RERE: variants seen among roughly 807,000 people sequenced by gnomAD.
The protein encoded by RERE is arginine-glutamic acid dipeptide repeats protein.
In RERE, 40 loss-of-function variants were observed where a neutral mutation model predicts 146.1. The observed-to-expected ratio is 0.27, with a 90% CI of 0.21 to 0.36. The LOEUF is 0.36. Ranked by LOEUF, RERE falls within the 10% of genes least tolerant of loss-of-function variation. The pLI is 1.00. For missense variants in RERE, 1,933 were observed against 2,138.7 expected (o/e 0.90, Z 1.90); for synonymous variants, 1,003 against 866.0 (o/e 1.16, Z -2.78).
intron 4 of RERE, among the ~76,000 whole-genome samples, chr1:8,587,358 C>G (rs1010729914): frequency 6.6e-6 from 1 of 152,214 alleles, no homozygotes; most frequent in Non-Finnish European, 1.5e-5. Context: ...GGAGTTCCTT[C>G]CAGCCCCAGT....
At chr1:8,361,545 T>C (rs1641583194) in intron 17 of RERE, 55 bp from the exon 18 acceptor site, 4 of 1,583,488 alleles carry the variant, frequency 2.5e-6, no homozygotes, top group Non-Finnish European at 3.4e-6. Context: ...CCCTGTCTGC[T>C]CTGCACCACC....
intron 1 of RERE, among the ~76,000 whole-genome samples, chr1:8,689,505 T>C (rs1283222480): frequency 1.3e-5 from 2 of 152,218 alleles, no homozygotes; most frequent in Admixed American, 1.3e-4. Context: ...TCACATTTCT[T>C]AGAGTTATGA....
Position 8,423,553 on chromosome 1 carries a change from G to A in RERE, c.1204-746C>T. 2 of 985,114 alleles carry A rather than the reference G, an allele frequency of 2.0e-6. No homozygotes were observed. Among genetic ancestry groups the A allele is most frequent in the Non-Finnish European group, 2.4e-6 (2 of 829,772 alleles). 61.0% of individuals were successfully genotyped at this position (985,114 alleles called of 1,614,324 possible). ...CGGTGGGGGCAGCTCCTGGCTCCGAGCCCCCACCTCGGGGCTCCCAGCCTG... is the reference window on the plus strand; with the variant it reads ...CGGTGGGGGCAGCTCCTGGCTCCGAACCCCCACCTCGGGGCTCCCAGCCTG... On this transcript the variant is annotated intron_variant, in intron 11 of 22. Transcript: ENST00000400908. The surrounding 1 kb of genome is among the most constrained non-coding windows in gnomAD (Gnocchi z 5.4).
chr1:8,521,176 C>CAAAAAAAAAAAAAA (rs36115526), intron 7 of RERE, among the ~76,000 whole-genome samples: 12 of 109,958 alleles, frequency 1.1e-4, no homozygotes, highest in African/African-American at 3.9e-4. Context: ...TTCTTTTTTT[C>CAAAAAAAAAAAAAA]AAAAAAAAAA....
At chr1:8,752,764 G>T (rs1197524348) in intron 1 of RERE, among the ~76,000 whole-genome samples, 14 of 152,094 alleles carry the variant, frequency 9.2e-5, no homozygotes, top group Non-Finnish European at 2.1e-4. Flanking sequence ...GACAGTTTGT[G>T]TTGGAAATAA....
intron 8 of RERE, among the ~76,000 whole-genome samples, chr1:8,499,228 T>C (rs140879938): frequency 1.3e-5 from 2 of 152,358 alleles, no homozygotes; most frequent in Non-Finnish European, 2.9e-5. Context: ...GGGCAAACAA[T>C]TTAAGTGAAT....
intron 11 of RERE, among the ~76,000 whole-genome samples, chr1:8,462,015 A>G (rs536021947): frequency 1.4e-4 from 21 of 151,946 alleles, no homozygotes; most frequent in African/African-American, 4.6e-4. Flanking sequence ...CAGCTATTTT[A>G]TTATGTTTTT....
At chr1:8,801,901 T>A (rs1240327734) in intron 1 of RERE, among the ~76,000 whole-genome samples, 2 of 152,354 alleles carry the variant, frequency 1.3e-5, no homozygotes, top group Admixed American at 6.5e-5. Context: ...GAAGTTTACA[T>A]CCATACAGCG....
intron 11 of RERE, 176 bp downstream of exon 11, chr1:8,465,749 A>G (rs1644587358): frequency 1.5e-6 from 1 of 687,448 alleles, no homozygotes; most frequent in East Asian, 2.8e-5. Flanking sequence ...AATAAAATCA[A>G]GTCTTTCTGT....
At chr1:8,477,480 C>G (rs1447389509) in intron 10 of RERE, among the ~76,000 whole-genome samples, 3 of 152,182 alleles carry the variant, frequency 2.0e-5, no homozygotes, top group Non-Finnish European at 4.4e-5. Flanking sequence ...TCACTTACTC[C>G]TGGCATCCTC....
At chr1:8,531,642 GA>G (rs1390191254) in intron 7 of RERE, among the ~76,000 whole-genome samples, 2 of 152,090 alleles carry the variant, frequency 1.3e-5, no homozygotes, top group African/African-American at 2.4e-5. Flanking sequence ...GGTTTCAGAG[GA>G]AAAAGTTTCC....
intron 1 of RERE, among the ~76,000 whole-genome samples, chr1:8,673,153 T>C (rs1188202516): frequency 3.3e-5 from 5 of 152,216 alleles, no homozygotes; most frequent in African/African-American, 4.8e-5. Flanking sequence ...GGCAGTTCAA[T>C]GGCACGATCT....
At chr1:8,811,946 G>A (rs1641820532) in intron 1 of RERE, among the ~76,000 whole-genome samples, 1 of 152,224 alleles carries the variant, frequency 6.6e-6, no homozygotes, top group Non-Finnish European at 1.5e-5. Flanking sequence ...CAAGGTATCT[G>A]GTCGCTAAAG....
intron 1 of RERE, among the ~76,000 whole-genome samples, chr1:8,748,952 T>C (rs1640476925): frequency 6.6e-6 from 1 of 152,184 alleles, no homozygotes; most frequent in Non-Finnish European, 1.5e-5. Context: ...TTCATAGGCA[T>C]GGGGGACAGT....
intron 7 of RERE, among the ~76,000 whole-genome samples, chr1:8,528,694 A>T (rs1263136906): frequency 1.3e-5 from 2 of 152,186 alleles, no homozygotes; most frequent in African/African-American, 4.8e-5. Flanking sequence ...TAGAATAAGC[A>T]AATATTCCAA....
intron 6 of RERE, among the ~76,000 whole-genome samples, chr1:8,544,390 C>T (rs1645834437): frequency 6.6e-6 from 1 of 152,014 alleles, no homozygotes; most frequent in South Asian, 2.1e-4. Flanking sequence ...TAGGAACAAC[C>T]CAAATGTGCA....
At chr1:8,355,266 T>A in intron 22 of RERE, 146 bp from the exon 23 acceptor site, 3 of 1,127,458 alleles carry the variant, frequency 2.7e-6, no homozygotes, top group Non-Finnish European at 3.9e-6. Context: ...TCCCAACACC[T>A]CCCTTCCTCT....
intron 12 of RERE, among the ~76,000 whole-genome samples, chr1:8,416,306 T>C (rs187325758): frequency 2.3e-4 from 35 of 152,178 alleles, no homozygotes; most frequent in African/African-American, 7.2e-4. Flanking sequence ...TGGCTCACGG[T>C]CAGGCGCGGT....
At position 8,356,305 on chromosome 1, in the gene RERE, C is replaced by G; in HGVS notation, c.4340-59G>C. 1 of 1,436,966 alleles carries G rather than the reference C, an allele frequency of 7.0e-7. No homozygotes were observed. Among genetic ancestry groups the G allele is most frequent in the Non-Finnish European group, 9.1e-7 (1 of 1,100,522 alleles). 89.0% of individuals were successfully genotyped at this position (1,436,966 alleles called of 1,614,324 possible). Reference sequence around the variant, plus strand: ...TGTGCAGCTCTTCAATGTTTGTCCCCCTTGGCTGGAATGACCGATGACTTC... The same window carrying G: ...TGTGCAGCTCTTCAATGTTTGTCCCGCTTGGCTGGAATGACCGATGACTTC... On this transcript the variant is annotated intron_variant, in intron 20 of 22. Transcript: ENST00000400908. This position sits in a 1 kb window ranked among gnomAD's most constrained non-coding sequence, Gnocchi z 5.2.
Sources: allele counts gnomAD v4.1 joint callset (sites outside exome capture counted in the v4.1 genomes callset), GRCh38; gene constraint gnomAD v4.1.1; non-coding constraint Gnocchi (gnomAD v3.1); transcripts MANE v1.5; gene names NCBI Gene and HGNC (gene_info 2026-07-23, HGNC 2026-07-21).